Variants in TRPM3 observed in about 807,000 individuals in gnomAD.
TRPM3 encodes long transient receptor potential channel 3.
A neutral mutation model predicts 181.2 loss-of-function variants in TRPM3; 77 were observed. That is an observed-to-expected ratio of 0.42 (90% confidence interval 0.35 to 0.51). The LOEUF is 0.51. Among genes scored for constraint, TRPM3 ranks in the 20% least tolerant of loss-of-function variants. TRPM3 has a pLI of 0.01. For missense variants in TRPM3, 1,759 were observed against 2,196.7 expected (o/e 0.80, Z 3.98); for synonymous variants, 745 against 796.4 (o/e 0.94, Z 1.09).
intron 1 of TRPM3, among the ~76,000 whole-genome samples, chr9:70,968,173 CA>C (rs2097204349): frequency 6.6e-6 from 1 of 152,110 alleles, no homozygotes; most frequent in South Asian, 2.1e-4. Flanking sequence ...GCATACTATG[CA>C]ACCCTCATTG....
At position 70,534,823 on chromosome 9, in the gene TRPM3, T is replaced by G. The variant is rs1032912256; in HGVS notation, c.*1130A>C. The G allele has an allele frequency of 1.3e-5, 2 of 152,224 alleles. No homozygotes were observed. Among genetic ancestry groups the G allele is most frequent in the African/African-American group, 4.8e-5 (2 of 41,434 alleles). 9.4% of individuals were successfully genotyped at this position (152,224 alleles called of 1,614,324 possible). A position where few individuals can be genotyped will look rare whatever the true frequency, so the allele number is the denominator to read the frequency against. ...TCAGATTAGATGGCAAAACTCTAGG[T>G]ATGAAAATATCCACATATAACCATA... is the stretch of plus-strand genomic sequence containing the variant. On this transcript the variant is annotated 3_prime_UTR_variant, in exon 26 of 26. Transcript: ENST00000677713.
chr9:71,036,685 T>C lies in TRPM3; in HGVS notation c.177+84493A>G, dbSNP rs148646804. 6.6e-5 allele frequency among the ~76,000 whole-genome samples: 10 copies of C among 152,320 alleles called. No individual in the cohort carries two copies. The East Asian group carries it at 1.3e-3, about 21-fold the overall frequency. ...GCCTTTTGCCCAGATTAAGGGAAGATTTGAAAGACGGCCAAGTTTGCATTA... is the reference window on the plus strand; with the variant it reads ...GCCTTTTGCCCAGATTAAGGGAAGACTTGAAAGACGGCCAAGTTTGCATTA... On this transcript the variant is annotated intron_variant, in intron 1 of 25. Transcript: ENST00000677713.
intron 19 of TRPM3, among the ~76,000 whole-genome samples, chr9:70,604,565 C>T (rs2060658801): frequency 6.6e-6 from 1 of 152,172 alleles, no homozygotes; most frequent in African/African-American, 2.4e-5. Context: ...GGAGGTACTG[C>T]ATGACTTTGT....
chr9:70,654,429 AG>A (rs1248482702), intron 9 of TRPM3, among the ~76,000 whole-genome samples: 2 of 152,058 alleles, frequency 1.3e-5, no homozygotes, highest in Non-Finnish European at 2.9e-5. Context: ...AATGCATACA[AG>A]GGCTGATCAC....
chr9:71,435,158 C>T (rs757148175), intron 1 of TRPM3, among the ~76,000 whole-genome samples: 8 of 152,118 alleles, frequency 5.3e-5, no homozygotes, highest in African/African-American at 1.4e-4. Flanking sequence ...TTTTCTCACT[C>T]ATTTGACCCA....
chr9:70,930,589 C>G (rs1337011), intron 1 of TRPM3, among the ~76,000 whole-genome samples: 117,790 of 152,064 alleles, frequency 0.77, 46,008 homozygotes, highest in African/African-American at 0.86. Context: ...GGATAGAGTA[C>G]TACACTGGAT....
chr9:71,059,232 G>A (rs2061025161), intron 1 of TRPM3, among the ~76,000 whole-genome samples: 1 of 151,446 alleles, frequency 6.6e-6, no homozygotes, highest in South Asian at 2.1e-4. Flanking sequence ...ACAATCTCGG[G>A]ATTTCCCTTG....
chr9:70,598,379 T>C, intron 21 of TRPM3, 40 bp downstream of exon 21: 1 of 1,603,322 alleles, frequency 6.2e-7, no homozygotes. Flanking sequence ...CCATTCCTCC[T>C]CTGAAAACTT....
At chr9:70,930,432 C>T (rs907161279) in intron 1 of TRPM3, among the ~76,000 whole-genome samples, 1 of 152,044 alleles carries the variant, frequency 6.6e-6, no homozygotes, top group Non-Finnish European at 1.5e-5. Context: ...CCTTTCATCA[C>T]CTTTCATTAT....
intron 1 of TRPM3, among the ~76,000 whole-genome samples, chr9:71,116,429 G>A (rs1349741776): frequency 6.6e-6 from 1 of 152,176 alleles, no homozygotes; most frequent in African/African-American, 2.4e-5. Flanking sequence ...TCCTTGAAGA[G>A]TTTGAGAACA....
At chr9:71,229,049 G>T (rs916494432) in intron 1 of TRPM3, among the ~76,000 whole-genome samples, 3 of 151,976 alleles carry the variant, frequency 2.0e-5, no homozygotes, top group African/African-American at 7.2e-5. Flanking sequence ...AAGGAATCAC[G>T]TTACCTGACT....
chr9:70,540,838 G>GT (rs1338577583), intron 25 of TRPM3, among the ~76,000 whole-genome samples: 2 of 152,140 alleles, frequency 1.3e-5, no homozygotes, highest in African/African-American at 4.8e-5. Context: ...ATCCTCCACT[G>GT]TAGCCTCCTG....
At chr9:71,064,155 A>G (rs1030102799) in intron 1 of TRPM3, among the ~76,000 whole-genome samples, 1 of 152,094 alleles carries the variant, frequency 6.6e-6, no homozygotes, top group African/African-American at 2.4e-5. Flanking sequence ...TCATAAAGTA[A>G]TTCTTTTCGG....
In TRPM3 at chr9:71,433,542, G is replaced by A. The variant is rs561994816; in HGVS notation, c.183+13111C>T. 2.6e-5 allele frequency among the ~76,000 whole-genome samples: 4 copies of A among 152,242 alleles called. No individual in the cohort carries two copies. The East Asian group carries it at 7.7e-4, about 29-fold the overall frequency. Reference sequence around the variant, plus strand: ...ACTCTCGGGTATGTCTTTATTTGCAGCATGAAAACAAATACAATATCCAAC... The same window carrying A: ...ACTCTCGGGTATGTCTTTATTTGCAACATGAAAACAAATACAATATCCAAC... On this transcript the variant is annotated intron_variant, in intron 1 of 24. Transcript: ENST00000357533.
At chr9:70,849,293 C>T (rs956847635) in intron 3 of TRPM3, among the ~76,000 whole-genome samples, 10 of 152,042 alleles carry the variant, frequency 6.6e-5, no homozygotes, top group African/African-American at 2.4e-4. Flanking sequence ...TACAGGTGCC[C>T]ACCACCAGGC....
chr9:70,843,829 T>C (rs993773549), intron 4 of TRPM3, among the ~76,000 whole-genome samples: 2 of 152,200 alleles, frequency 1.3e-5, no homozygotes, highest in African/African-American at 2.4e-5. Flanking sequence ...TCTAATTCTC[T>C]TAACCTCCCT....
rs1442270660 is a variant in TRPM3, at chr9:71,324,169, T to G, written c.183+122484A>C. 2.0e-5 allele frequency among the ~76,000 whole-genome samples: 3 copies of G among 152,124 alleles called. No homozygotes were observed. In the South Asian group the frequency reaches 6.2e-4, roughly 32 times the overall value. On this transcript the variant is annotated intron_variant, in intron 1 of 24. Coordinates refer to the TRPM3 transcript ENST00000357533. ...TCAATCTATAGATAGATTAGATAGA[T>G]GGAGTATATGACTTTATTAATATAT... is the stretch of plus-strand genomic sequence containing the variant.
intron 22 of TRPM3, among the ~76,000 whole-genome samples, chr9:70,556,714 C>T (rs551543235): frequency 2.6e-4 from 40 of 152,170 alleles, no homozygotes; most frequent in African/African-American, 9.2e-4. Flanking sequence ...ACAGCAAGAC[C>T]CTGTCTCAAA....
At chr9:71,125,823 T>C (rs2073997645), upstream of TRPM3, among the ~76,000 whole-genome samples, 1 of 152,186 alleles carries the variant, frequency 6.6e-6, no homozygotes, top group Admixed American at 6.5e-5. Context: ...TAAGATTTCA[T>C]GACGAACATG....
Sources: gnomAD v4.1 joint callset for allele counts (sites outside exome capture counted in the v4.1 genomes callset) on GRCh38, gnomAD v4.1.1 for gene constraint, MANE v1.5 for transcripts, NCBI Gene and HGNC (gene_info 2026-07-23, HGNC 2026-07-21) for gene names.